The following FRY variants were observed in gnomAD, a reference collection of about 807,000 sequenced individuals.
FRY encodes the protein FRY microtubule binding protein.
Under a neutral mutation model 348.4 loss-of-function variants are expected in FRY, and 128 were observed. That is an observed-to-expected ratio of 0.37 (90% CI 0.32 to 0.43). FRY has a LOEUF of 0.43. Among genes scored for constraint, FRY ranks in the 20% least tolerant of loss-of-function variants. The pLI is 1.00. For missense variants in FRY, 2,736 were observed against 3,695.2 expected (o/e 0.74, Z 6.73); for synonymous variants, 1,370 against 1,374.7 (o/e 1.00, Z 0.08).
chr13:32,052,939 C>A (rs1272299323), intron 1 of FRY, among the ~76,000 whole-genome samples: 1 of 152,134 alleles, frequency 6.6e-6, no homozygotes, highest in East Asian at 1.9e-4. Context: ...CATGGTGAAA[C>A]CCCGTCTCTA....
intron 51 of FRY, among the ~76,000 whole-genome samples, chr13:32,259,043 C>A (rs1887489439): frequency 1.3e-5 from 2 of 152,198 alleles, no homozygotes; most frequent in African/African-American, 4.8e-5. Flanking sequence ...TCAGTGTAAA[C>A]CCTCAGTGGT....
intron 4 of FRY, among the ~76,000 whole-genome samples, chr13:32,122,293 A>C (rs1476895403): frequency 1.3e-5 from 2 of 151,934 alleles, no homozygotes; most frequent in Admixed American, 1.3e-4. Flanking sequence ...AATACAAAAA[A>C]TTAGCTGGGC....
intron 41 of FRY, among the ~76,000 whole-genome samples, chr13:32,232,097 G>A (rs1032865063): frequency 3.3e-5 from 5 of 152,186 alleles, no homozygotes; most frequent in Admixed American, 2.0e-4. Flanking sequence ...ATAGACTTCC[G>A]TTTCTAGTTT....
intron 58 of FRY, chr13:32,287,882 G>A: frequency 7.4e-7 from 1 of 1,352,782 alleles, no homozygotes; most frequent in Non-Finnish European, 9.9e-7. Context: ...GGAATCTCTT[G>A]CAGTAAGTTA....
At chr13:32,146,833 A>T (rs1053825885) in intron 11 of FRY, among the ~76,000 whole-genome samples, 4 of 152,206 alleles carry the variant, frequency 2.6e-5, no homozygotes, top group Non-Finnish European at 5.9e-5. Context: ...TACCTAGTAC[A>T]CATTAGTCTC....
intron 11 of FRY, 126 bp downstream of exon 11, chr13:32,137,098 ATG>A: frequency 1.5e-6 from 1 of 689,154 alleles, no homozygotes; most frequent in Admixed American, 2.1e-5. Context: ...TGGTGGAATA[ATG>A]AAAAAATATT....
At chr13:32,123,933 C>T (rs1309972753) in intron 4 of FRY, among the ~76,000 whole-genome samples, 1 of 152,136 alleles carries the variant, frequency 6.6e-6, no homozygotes, top group African/African-American at 2.4e-5. Context: ...CTCCCGGGTT[C>T]AGACGATTCT....
intron 47 of FRY, among the ~76,000 whole-genome samples, chr13:32,246,355 G>C (rs1886798371): frequency 6.6e-6 from 1 of 152,240 alleles, no homozygotes; most frequent in South Asian, 2.1e-4. Flanking sequence ...CACACAGTCT[G>C]ATTGGAGGTT....
intron 58 of FRY, among the ~76,000 whole-genome samples, chr13:32,287,456 C>G (rs1261789279): frequency 6.6e-6 from 1 of 152,198 alleles, no homozygotes; most frequent in Non-Finnish European, 1.5e-5. Flanking sequence ...AAGCAATAGT[C>G]TAATTTGTTT....
chr13:32,227,376 C>T (rs1292440610), intron 39 of FRY, among the ~76,000 whole-genome samples: 1 of 152,052 alleles, frequency 6.6e-6, no homozygotes, highest in Non-Finnish European at 1.5e-5. Flanking sequence ...CCATAAATTC[C>T]CTGAGGCTAC....
intron 22 of FRY, among the ~76,000 whole-genome samples, chr13:32,179,418 G>T (rs1882561951): frequency 1.3e-5 from 2 of 151,064 alleles, no homozygotes; most frequent in Admixed American, 1.3e-4. Context: ...GACTTAAATG[G>T]TTTTAAAAAG....
At chr13:32,098,301 G>A (rs1186934925) in intron 2 of FRY, among the ~76,000 whole-genome samples, 1 of 152,004 alleles carries the variant, frequency 6.6e-6, no homozygotes, top group Non-Finnish European at 1.5e-5. Context: ...GTGTCTGAAG[G>A]TTCACAGCAT....
Position 32,244,085 on chromosome 13 carries a change from A to G in FRY, c.6731A>G (p.Gln2244Arg), listed in dbSNP as rs749421565. Reference sequence around the variant, plus strand: ...CCTAGTGTGCAGCAGCCCCTGCTCCAGGTGATCTACAGTCTTCTCAGCTAC... The same window carrying G: ...CCTAGTGTGCAGCAGCCCCTGCTCCGGGTGATCTACAGTCTTCTCAGCTAC... ...GLPSVQQPLL[Q>R]VIYSLLSYMD... The change falls in exon 47 of 61, where the codon CAG (glutamine) becomes CGG (arginine). Residue 2244 changes from glutamine (Q) to arginine (R), a missense_variant. Around this residue, in one of 9 missense-constraint regions of FRY, gnomAD observed 789 missense variants for 996.2 expected, o/e 0.79. Coordinates refer to ENST00000542859, the MANE Select transcript of FRY (RefSeq NM_023037.3). 4.3e-6 allele frequency: 7 copies of G among 1,613,942 alleles called. No individual in the cohort carries two copies. Among genetic ancestry groups the G allele is most frequent in the African/African-American group, 1.3e-5 (1 of 74,934 alleles).
rs184936726 is a variant in FRY at position 32,203,587 on chromosome 13, G to T, written c.4018+1060G>T. 3.1e-3 allele frequency among the ~76,000 whole-genome samples: 466 copies of T among 152,208 alleles called. 2 individuals carry two copies. The highest frequency in any genetic ancestry group is 7.9e-3 in the South Asian group (38 of 4,826). ...AAAAGACAAAAATTAGCTGGGCATG[G>T]TGGCCCACGCCTCTAGTCCCAGCTA... On this transcript the variant is annotated intron_variant, in intron 31 of 60. Transcript: ENST00000542859.
rs1445289056 is a variant in FRY at position 32,121,919 on chromosome 13, GTT to G, written c.465-2365_465-2364del. On this transcript the variant is annotated intron_variant, in intron 4 of 60. Transcript: ENST00000542859. The stretch of plus-strand genomic sequence containing the variant: ...GAATTTTTATAGTTTCAGGTCTTAG[GTT>G]TAAGTCCTTAATCCATCTTGAGTTG... Among the ~76,000 whole-genome samples, 3 of 152,070 alleles carry G rather than the reference GTT, an allele frequency of 2.0e-5. No individual in the cohort carries two copies. The East Asian group carries it at 5.8e-4, about 29-fold the overall frequency.
At chr13:32,044,407 A>G (rs1194726319) in intron 1 of FRY, among the ~76,000 whole-genome samples, 1 of 152,218 alleles carries the variant, frequency 6.6e-6, no homozygotes, top group Admixed American at 6.5e-5. Flanking sequence ...GCATTCATGA[A>G]GGACTGCCAT....
intron 59 of FRY, among the ~76,000 whole-genome samples, chr13:32,292,648 C>A (rs1288671340): frequency 6.6e-6 from 1 of 151,838 alleles, no homozygotes; most frequent in East Asian, 1.9e-4. Context: ...AAAAACTAGC[C>A]AGGCATGGTA....
intron 35 of FRY, 59 bp from the exon 36 acceptor site, chr13:32,218,690 A>C (rs1885139503): frequency 1.0e-6 from 1 of 978,298 alleles, no homozygotes; most frequent in Non-Finnish European, 1.5e-6. Flanking sequence ...AAAAAAAAAA[A>C]AAAAAAGCGC....
intron 47 of FRY, among the ~76,000 whole-genome samples, chr13:32,244,732 T>C (rs994414665): frequency 6.6e-6 from 1 of 152,182 alleles, no homozygotes; most frequent in Admixed American, 6.5e-5. Context: ...AGTTGATGAA[T>C]AGTACAAAGG....
Sources: gnomAD v4.1 joint callset for allele counts (sites outside exome capture counted in the v4.1 genomes callset) on GRCh38, gnomAD v4.1.1 for gene constraint, gnomAD v4.1.1 regional missense constraint, MANE v1.5 for transcripts, NCBI Gene and HGNC (gene_info 2026-07-23, HGNC 2026-07-21) for gene names.